The following PIK3CG variants were observed in gnomAD, a reference collection of about 807,000 sequenced individuals.
The protein encoded by PIK3CG is phosphatidylinositol 4,5-bisphosphate 3-kinase catalytic subunit gamma isoform.
Under a neutral mutation model 102.3 loss-of-function variants are expected in PIK3CG, and 55 were observed. The observed-to-expected ratio is 0.54, with a 90% CI of 0.43 to 0.67. The LOEUF is 0.67. Among genes scored for constraint, PIK3CG ranks in the 30% least tolerant of loss-of-function variants. The pLI is 0.00. For synonymous variants in PIK3CG, 552 were observed against 540.0 expected, an observed-to-expected ratio of 1.02 and a Z score of -0.31; for missense variants, 1,258 against 1,391.8, an observed-to-expected ratio of 0.90 and a Z score of 1.53.
rs140631790 is a variant in PIK3CG, at chr7:106,895,826, A to G, written c.3031-9283A>G. 2.6e-5 allele frequency among the ~76,000 whole-genome samples: 4 copies of G among 152,230 alleles called. No individual in the cohort carries two copies. Among genetic ancestry groups the G allele is most frequent in the Admixed American group, 6.5e-5 (1 of 15,288 alleles). The stretch of plus-strand genomic sequence containing the variant: ...ATTATTCTTAATCTATATTTAAAAG[A>G]GGTTAAGTGACTTCTCCAGTGATAT... On this transcript the variant is annotated intron_variant, in intron 10 of 10. Coordinates refer to ENST00000496166, the MANE Select transcript of PIK3CG (RefSeq NM_001282426.2). The surrounding 1 kb of genome is among the most constrained non-coding windows in gnomAD (Gnocchi z 5.4).
rs55872448 is a variant in PIK3CG at position 106,895,910 on chromosome 7, T to C, written c.3031-9199T>C. On this transcript the variant is annotated intron_variant, in intron 10 of 10. Transcript: ENST00000496166. This position sits in a 1 kb window ranked among gnomAD's most constrained non-coding sequence, Gnocchi z 5.4. ...TCATTCAGCTTGATGTGAATCTGTG[T>C]TGTTAACCACCACAGCACACTGCCT... is the stretch of plus-strand genomic sequence containing the variant. Among the ~76,000 whole-genome samples the C allele has an allele frequency of 1.6e-3, 250 of 152,322 alleles. 1 individual carries two copies. Among genetic ancestry groups the C allele is most frequent in the Non-Finnish European group, 3.0e-3 (206 of 68,020 alleles).
intron 5 of PIK3CG, among the ~76,000 whole-genome samples, chr7:106,875,129 T>A (rs184644810): frequency 2.5e-4 from 38 of 152,224 alleles, no homozygotes; most frequent in African/African-American, 8.7e-4. Context: ...GGCAGGCAGA[T>A]CACGAGGTCA....
rs185203560 is a variant in PIK3CG, at chr7:106,877,622, T to G, written c.2392-1897T>G. 6.6e-6 allele frequency among the ~76,000 whole-genome samples: 1 copy of G among 152,032 alleles called. No individual in the cohort carries two copies. The highest frequency in any genetic ancestry group is 2.4e-5 in the African/African-American group (1 of 41,450). On this transcript the variant is annotated intron_variant, in intron 5 of 10. Coordinates refer to ENST00000496166, the MANE Select transcript of PIK3CG (RefSeq NM_001282426.2). This position sits in a 1 kb window ranked among gnomAD's most constrained non-coding sequence, Gnocchi z 4.5. ...CATGTGTTGAAAAGACTGTTTTGTT[T>G]TGTTTTGTTTTGTTTTGTTTTTCCT... is the stretch of plus-strand genomic sequence containing the variant.
In PIK3CG at chr7:106,884,253, G is replaced by T. The variant is rs2116552442; in HGVS notation, c.2859G>T (p.Met953Ile). 1 of 1,609,224 alleles carries T rather than the reference G, an allele frequency of 6.2e-7. No homozygotes were observed. Among genetic ancestry groups the T allele is most frequent in the South Asian group, 1.1e-5 (1 of 90,944 alleles). The change falls in exon 9 of 11, where the codon ATG becomes ATT. Residue 953 changes from methionine to isoleucine, a missense_variant. Around this residue, in one of 2 missense-constraint regions of PIK3CG, gnomAD observed 426 missense variants for 604.2 expected, o/e 0.71. Transcript: ENST00000496166. This position sits in a 1 kb window ranked among gnomAD's most constrained non-coding sequence, Gnocchi z 4.2. ...GCGACAGACACAATGACAATATTATGATCACCGAGACAGGTGAGTTTATTT... is the reference window on the plus strand; with the variant it reads ...GCGACAGACACAATGACAATATTATTATCACCGAGACAGGTGAGTTTATTT... ...GIGDRHNDNI[M>I]ITETGNLFHI...
Position 106,906,060 on chromosome 7 carries a change from CT to C in PIK3CG, c.*678del. 1 of 226,100 alleles carries C rather than the reference CT, an allele frequency of 4.4e-6. No homozygotes were observed. Among genetic ancestry groups the C allele is most frequent in the Non-Finnish European group, 8.7e-6 (1 of 114,526 alleles). The allele number at this position is 226,100 out of a possible 1,614,324, so 14.0% of individuals were successfully genotyped here. On this transcript the variant is annotated 3_prime_UTR_variant, in exon 11 of 11. Coordinates refer to ENST00000496166, the MANE Select transcript of PIK3CG (RefSeq NM_001282426.2). Reference sequence around the variant, plus strand: ...TGAATATGAAAAAATAGAGATGAGACTTTTTGTGTCAACTCTGTCCACAAGA... The same window carrying C: ...TGAATATGAAAAAATAGAGATGAGACTTTTGTGTCAACTCTGTCCACAAGA...
In PIK3CG at chr7:106,899,356, C is replaced by T. The variant is rs1791488137; in HGVS notation, c.3031-5753C>T. Among the ~76,000 whole-genome samples the T allele has an allele frequency of 6.6e-6, 1 of 152,146 alleles. No individual in the cohort carries two copies. Among genetic ancestry groups the T allele is most frequent in the East Asian group, 1.9e-4 (1 of 5,200 alleles). ...CTTCCTATTTAGATGTTCTTTATTTCTTCCTCTTGCCTGATTGCTCTGGCC... is the reference window on the plus strand; with the variant it reads ...CTTCCTATTTAGATGTTCTTTATTTTTTCCTCTTGCCTGATTGCTCTGGCC... On this transcript the variant is annotated intron_variant, in intron 10 of 10. Transcript: ENST00000496166. The surrounding 1 kb of genome is among the most constrained non-coding windows in gnomAD (Gnocchi z 4.6).
rs1158677193 is a variant in PIK3CG at position 106,868,675 on chromosome 7, G to C, written c.1114G>C (p.Val372Leu). The change falls in exon 2 of 11, where the codon GTC becomes CTC. Residue 372 changes from valine (V) to leucine (L), a missense_variant. Val to Leu is a conservative substitution (Grantham distance 32). Coordinates refer to ENST00000496166, the MANE Select transcript of PIK3CG (RefSeq NM_001282426.2). The surrounding 1 kb of genome is among the most constrained non-coding windows in gnomAD (Gnocchi z 6.2). ...CAAGATCAGAGGCATTGATATCCCC[G>C]TCCTGCCTCGGAACACCGACCTCAC... ...RVKIRGIDIP[V>L]LPRNTDLTVF... The C allele has an allele frequency of 1.2e-6, 2 of 1,614,090 alleles. No individual in the cohort carries two copies. The highest frequency in any genetic ancestry group is 1.7e-6 in the Non-Finnish European group (2 of 1,180,052).
chr7:106,867,948 C>G lies in PIK3CG; in HGVS notation c.387C>G (p.His129Gln), dbSNP rs780713089. ...LDCLRYWKAT[H>Q]RSPGQIHLVQ... ...GCCTGCGCTACTGGAAGGCCACGCA[C>G]CGGAGCCCGGGCCAGATCCACCTGG... The change falls in exon 2 of 11, where the codon CAC (histidine) becomes CAG (glutamine). Residue 129 changes from histidine (H) to glutamine (Q), a missense_variant. His to Gln is a conservative substitution (Grantham distance 24). This residue lies in a region of PIK3CG where 832 missense variants were observed against 787.5 expected (regional missense o/e 1.06). Coordinates refer to ENST00000496166, the MANE Select transcript of PIK3CG (RefSeq NM_001282426.2). This position sits in a 1 kb window ranked among gnomAD's most constrained non-coding sequence, Gnocchi z 5.1. The G allele has an allele frequency of 6.2e-7, 1 of 1,613,082 alleles. No individual in the cohort carries two copies. Among genetic ancestry groups the G allele is most frequent in the East Asian group, 2.2e-5 (1 of 44,858 alleles).
rs2116469448 is a variant in PIK3CG at position 106,869,618 on chromosome 7, A to G, written c.1995+62A>G. 1.5e-6 allele frequency: 2 copies of G among 1,343,654 alleles called. No individual in the cohort carries two copies. Among genetic ancestry groups the G allele is most frequent in the South Asian group, 1.4e-5 (1 of 70,362 alleles). 83.2% of individuals were successfully genotyped at this position (1,343,654 alleles called of 1,614,324 possible). ...AAAAGGAATTGATTTGCATATGCAC[A>G]GGCACTCCATTCAGTTGTCATCAAA... On this transcript the variant is annotated intron_variant, in intron 2 of 10. Transcript: ENST00000496166. The surrounding 1 kb of genome is among the most constrained non-coding windows in gnomAD (Gnocchi z 5.3).
At position 106,880,942 on chromosome 7, in the gene PIK3CG, C is replaced by T. The variant is rs1046003337; in HGVS notation, c.2539-1175C>T. On this transcript the variant is annotated intron_variant, in intron 6 of 10. Coordinates refer to ENST00000496166, the MANE Select transcript of PIK3CG (RefSeq NM_001282426.2). This position sits in a 1 kb window ranked among gnomAD's most constrained non-coding sequence, Gnocchi z 4.2. ...CCTCCCACCTCAGCCTCCCACACAA[C>T]TTTCACAGTCTTCTCCTTTTCTTTC... 6.6e-6 allele frequency among the ~76,000 whole-genome samples: 1 copy of T among 152,154 alleles called. No individual in the cohort carries two copies. The highest frequency in any genetic ancestry group is 1.5e-5 in the Non-Finnish European group (1 of 68,016).
Position 106,884,495 on chromosome 7 carries a change from C to T in PIK3CG, c.2872+229C>T, listed in dbSNP as rs981059567. Reference sequence around the variant, plus strand: ...TCCCCATGCCTCCCTCCTTTCAGAACGGAGTAGTCTTTAAATGGAGTTTAA... The same window carrying T: ...TCCCCATGCCTCCCTCCTTTCAGAATGGAGTAGTCTTTAAATGGAGTTTAA... On this transcript the variant is annotated intron_variant, in intron 9 of 10. Transcript: ENST00000496166. The surrounding 1 kb of genome is among the most constrained non-coding windows in gnomAD (Gnocchi z 4.2). 3.3e-5 allele frequency among the ~76,000 whole-genome samples: 5 copies of T among 152,116 alleles called. No homozygotes were observed. Among genetic ancestry groups the T allele is most frequent in the African/African-American group, 1.2e-4 (5 of 41,428 alleles).
chr7:106,873,638 G>T (rs1363591678), intron 4 of PIK3CG, among the ~76,000 whole-genome samples: 1 of 152,064 alleles, frequency 6.6e-6, no homozygotes, highest in African/African-American at 2.4e-5. Flanking sequence ...TATATCAGGG[G>T]CTTGAGCATT....
chr7:106,896,890 A>T (rs904567923), intron 10 of PIK3CG, among the ~76,000 whole-genome samples: 5 of 152,244 alleles, frequency 3.3e-5, no homozygotes, highest in African/African-American at 1.2e-4. Flanking sequence ...GAATGACACA[A>T]GCCTGACCTC....
rs542853228 is a variant in PIK3CG at position 106,884,645 on chromosome 7, A to G, written c.2872+379A>G. Among the ~76,000 whole-genome samples the G allele has an allele frequency of 2.6e-5, 4 of 152,266 alleles. No homozygotes were observed. Among genetic ancestry groups the G allele is most frequent in the South Asian group, 2.1e-4 (1 of 4,822 alleles). On this transcript the variant is annotated intron_variant, in intron 9 of 10. Transcript: ENST00000496166. This position sits in a 1 kb window ranked among gnomAD's most constrained non-coding sequence, Gnocchi z 4.2. Reference sequence around the variant, plus strand: ...CTTGGAAGACACCTTTTCCACGGACAGGGGTGGGGGAGCAAGGATGGTTTC... The same window carrying G: ...CTTGGAAGACACCTTTTCCACGGACGGGGGTGGGGGAGCAAGGATGGTTTC...
At chr7:106,886,347 G>T (rs2116563669) in intron 10 of PIK3CG, 55 bp downstream of exon 10, 1 of 1,566,298 alleles carries the variant, frequency 6.4e-7, no homozygotes, top group South Asian at 1.1e-5. Context: ...GATGGTTCCT[G>T]CAGCACTCCG....
At chr7:106,888,635 C>A (rs1050771726) in intron 10 of PIK3CG, among the ~76,000 whole-genome samples, 43 of 152,298 alleles carry the variant, frequency 2.8e-4, no homozygotes, top group African/African-American at 1.0e-3. Flanking sequence ...CAGTGTGCTC[C>A]ACTAAAAACA....
chr7:106,867,415 A>C lies in PIK3CG; in HGVS notation c.-12-135A>C, dbSNP rs1284887449. 1 of 764,346 alleles carries C rather than the reference A, an allele frequency of 1.3e-6. No homozygotes were observed. The highest frequency in any genetic ancestry group is 2.7e-5 in the Admixed American group (1 of 36,976). 47.3% of individuals were successfully genotyped at this position (764,346 alleles called of 1,614,324 possible). ...CGCTCTGAAGGGCTGTAGTGCTTCC[A>C]GTTTAAAATACTTGGTCCCTCTGGG... On this transcript the variant is annotated intron_variant, in intron 1 of 10. Transcript: ENST00000496166. The surrounding 1 kb of genome is among the most constrained non-coding windows in gnomAD (Gnocchi z 5.1).
intron 10 of PIK3CG, among the ~76,000 whole-genome samples, chr7:106,904,198 T>A (rs1791631824): frequency 6.6e-6 from 1 of 152,244 alleles, no homozygotes; most frequent in Admixed American, 6.5e-5. Flanking sequence ...CAAAAATAGA[T>A]GTTAATGCAG....
chr7:106,871,137 T>C (rs1052848927), intron 2 of PIK3CG, among the ~76,000 whole-genome samples: 1 of 152,232 alleles, frequency 6.6e-6, no homozygotes, highest in African/African-American at 2.4e-5. Flanking sequence ...TGAAGAAGAA[T>C]AGTCATTTGT....
Sources: gnomAD v4.1 joint callset for allele counts (sites outside exome capture counted in the v4.1 genomes callset) on GRCh38, gnomAD v4.1.1 for gene constraint, gnomAD v4.1.1 regional missense constraint, Gnocchi (gnomAD v3.1) non-coding constraint, MANE v1.5 for transcripts, NCBI Gene and HGNC (gene_info 2026-07-23, HGNC 2026-07-21) for gene names.